Variants in RIN3 observed in about 807,000 individuals in gnomAD.
RIN3 encodes Ras and Rab interactor 3.
RIN3 carries 54 observed loss-of-function variants against 76.3 expected under a neutral mutation model. That is an observed-to-expected ratio of 0.71 (90% confidence interval 0.57 to 0.89). The LOEUF (loss-of-function observed/expected upper bound fraction) is 0.89. Ranked by LOEUF, RIN3 falls within the 40% of genes least tolerant of loss-of-function variation. The pLI, the probability that RIN3 is intolerant of heterozygous loss-of-function variation, is 0.00. For missense variants in RIN3, 1,256 were observed against 1,322.1 expected, an observed-to-expected ratio of 0.95 and a Z score of 0.78; for synonymous variants, 576 against 564.0, an observed-to-expected ratio of 1.02 and a Z score of -0.30.
At chr14:92,619,005 G>T (rs1379363782) in intron 4 of RIN3, among the ~76,000 whole-genome samples, 1 of 151,916 alleles carries the variant, frequency 6.6e-6, no homozygotes, top group Non-Finnish European at 1.5e-5. Context: ...TGTTTTTTGT[G>T]TGTGGTTTAT....
intron 4 of RIN3, among the ~76,000 whole-genome samples, chr14:92,627,514 TCATTCA>T (rs1374073521): frequency 6.6e-6 from 1 of 152,226 alleles, no homozygotes; most frequent in African/African-American, 2.4e-5. Flanking sequence ...GTGCCTATGA[TCATTCA>T]CACACACTTT....
rs1280656955 is a variant in RIN3, at chr14:92,654,544, C to T, written c.2026+1469C>T. 5.3e-5 allele frequency among the ~76,000 whole-genome samples: 8 copies of T among 152,244 alleles called. No individual in the cohort carries two copies. In the East Asian group the frequency reaches 1.5e-3, roughly 29 times the overall value. ...GCCTCTGAACACAGTAGCTTCGTAGCGAATGTTTCTTAGAAAAGGAGCTTC... is the reference window on the plus strand; with the variant it reads ...GCCTCTGAACACAGTAGCTTCGTAGTGAATGTTTCTTAGAAAAGGAGCTTC... On this transcript the variant is annotated intron_variant, in intron 6 of 9. Coordinates refer to ENST00000216487, the MANE Select transcript of RIN3 (RefSeq NM_024832.5).
chr14:92,534,596 A>G (rs1307576192), intron 1 of RIN3, among the ~76,000 whole-genome samples: 1 of 149,882 alleles, frequency 6.7e-6, no homozygotes, highest in East Asian at 1.9e-4. Flanking sequence ...TCAAAAAAAA[A>G]AAACAAAAAG....
At chr14:92,575,833 G>A (rs1898209690) in intron 2 of RIN3, among the ~76,000 whole-genome samples, 1 of 152,076 alleles carries the variant, frequency 6.6e-6, no homozygotes, top group Non-Finnish European at 1.5e-5. Context: ...ATCTTATCCT[G>A]TGACTTAGAA....
intron 5 of RIN3, among the ~76,000 whole-genome samples, chr14:92,645,705 C>G (rs1887173787): frequency 6.6e-6 from 1 of 152,200 alleles, no homozygotes; most frequent in Non-Finnish European, 1.5e-5. Context: ...CCTGTAATCC[C>G]AGAACTGTGG....
intron 7 of RIN3, among the ~76,000 whole-genome samples, chr14:92,662,820 A>G (rs1887938401): frequency 6.8e-6 from 1 of 146,652 alleles, no homozygotes; most frequent in African/African-American, 2.6e-5. Flanking sequence ...CTGAGCAGCA[A>G]CATTCAAACA....
At chr14:92,651,549 G>A (rs757723954) in intron 5 of RIN3, 33 bp from the exon 6 acceptor site, 7 of 1,267,880 alleles carry the variant, frequency 5.5e-6, no homozygotes, top group Admixed American at 2.1e-5. Flanking sequence ...CCCTGGCACA[G>A]ACTGACCCCC....
intron 3 of RIN3, among the ~76,000 whole-genome samples, chr14:92,582,252 G>A (rs111645336): frequency 9.9e-4 from 150 of 152,244 alleles, no homozygotes; most frequent in African/African-American, 2.4e-3. Context: ...TCCCAGGGCC[G>A]TGTGGCCGAA....
At chr14:92,653,828 G>T (rs898820710) in intron 6 of RIN3, among the ~76,000 whole-genome samples, 1 of 152,092 alleles carries the variant, frequency 6.6e-6, no homozygotes, top group Non-Finnish European at 1.5e-5. Context: ...GACCAGCCTG[G>T]GCAACATGGC....
intron 5 of RIN3, among the ~76,000 whole-genome samples, chr14:92,647,924 C>T (rs1216270213): frequency 6.6e-6 from 1 of 152,078 alleles, no homozygotes; most frequent in Non-Finnish European, 1.5e-5. Context: ...CAAGGATGGG[C>T]CCTTCTTTAG....
chr14:92,588,053 A>G (rs1378060393), intron 3 of RIN3, among the ~76,000 whole-genome samples: 1 of 151,978 alleles, frequency 6.6e-6, no homozygotes, highest in Non-Finnish European at 1.5e-5. Flanking sequence ...AGAGCTGAAT[A>G]CTGTGTGAAG....
At chr14:92,614,894 A>T (rs1394690459) in intron 3 of RIN3, among the ~76,000 whole-genome samples, 1 of 148,370 alleles carries the variant, frequency 6.7e-6, no homozygotes, top group African/African-American at 2.5e-5. Flanking sequence ...GCCCAGGCGA[A>T]ATGCTGTGGT....
Position 92,561,493 on chromosome 14 carries a change from A to AT in RIN3, c.249+5549dup, listed in dbSNP as rs11325872. On this transcript the variant is annotated intron_variant, in intron 2 of 9. Coordinates refer to ENST00000216487, the MANE Select transcript of RIN3 (RefSeq NM_024832.5). The stretch of plus-strand genomic sequence containing the variant: ...CTTTATTTATTCTGCATTCAGGCTG[A>AT]TTTTTTTTTTTATTTTAGAATAGTT... 3.3e-3 allele frequency among the ~76,000 whole-genome samples: 485 copies of AT among 149,216 alleles called. 1 individual carries two copies. The highest frequency in any genetic ancestry group is 0.01 in the African/African-American group (414 of 40,628).
rs373251619 is a variant in RIN3 at position 92,653,089 on chromosome 14, G to T, written c.2026+14G>T. The stretch of plus-strand genomic sequence containing the variant: ...AGGAGGAGCTCGGTCAGTGCCCTGG[G>T]AGGAGGTGGCAGGGAGGAGAGGGCG... On this transcript the variant is annotated intron_variant, in intron 6 of 9. Coordinates refer to ENST00000216487, the MANE Select transcript of RIN3 (RefSeq NM_024832.5). 18 of 1,590,806 alleles carry T rather than the reference G, an allele frequency of 1.1e-5. No individual in the cohort carries two copies. Among genetic ancestry groups the T allele is most frequent in the Non-Finnish European group, 3.4e-6 (4 of 1,173,956 alleles).
intron 5 of RIN3, 79 bp from the exon 6 acceptor site, chr14:92,651,498 GACCCC>G: frequency 9.9e-6 from 7 of 707,774 alleles, no homozygotes; most frequent in East Asian, 7.1e-5. Flanking sequence ...CCCACCCGTG[GACCCC>G]GCCCACAGAC....
chr14:92,600,339 C>T (rs898660923), intron 3 of RIN3, among the ~76,000 whole-genome samples: 1 of 152,170 alleles, frequency 6.6e-6, no homozygotes, highest in Non-Finnish European at 1.5e-5. Flanking sequence ...TGACTCTGCT[C>T]CCCGGAGCTG....
In RIN3 at chr14:92,568,035, G is replaced by A. The variant is rs866791008; in HGVS notation, c.250-9325G>A. ...TATTATTGTCCTCATGTTTAGATGA[G>A]GACATTGAGACCCCAAGAAGTAAAA... On this transcript the variant is annotated intron_variant, in intron 2 of 9. Transcript: ENST00000216487. The surrounding 1 kb of genome is among the most constrained non-coding windows in gnomAD (Gnocchi z 4.2). 6.6e-6 allele frequency among the ~76,000 whole-genome samples: 1 copy of A among 152,162 alleles called. No homozygotes were observed. Among genetic ancestry groups the A allele is most frequent in the Admixed American group, 6.5e-5 (1 of 15,280 alleles).
intron 3 of RIN3, among the ~76,000 whole-genome samples, chr14:92,592,904 C>A (rs1231664958): frequency 6.6e-6 from 1 of 151,874 alleles, no homozygotes; most frequent in African/African-American, 2.4e-5. Context: ...GAACTCCTGA[C>A]CTCAGATGAT....
chr14:92,558,887 C>CTTTTT (rs61202055), intron 2 of RIN3, among the ~76,000 whole-genome samples: 15 of 130,730 alleles, frequency 1.1e-4, no homozygotes, highest in South Asian at 4.8e-4. Context: ...CTTTTCTTTT[C>CTTTTT]TTTTTTTTTT....
Sources: gnomAD v4.1 joint callset for allele counts (sites outside exome capture counted in the v4.1 genomes callset) on GRCh38, gnomAD v4.1.1 for gene constraint, Gnocchi (gnomAD v3.1) non-coding constraint, MANE v1.5 for transcripts, NCBI Gene and HGNC (gene_info 2026-07-23, HGNC 2026-07-21) for gene names.